The following ZBTB20 variants were observed in gnomAD, a reference collection of about 807,000 sequenced individuals.
ZBTB20 encodes the protein zinc finger and BTB domain-containing protein 20.
ZBTB20 carries 9 observed loss-of-function variants against 56.9 expected under a neutral mutation model. The ratio of observed to expected loss-of-function variants is 0.16; its 90% CI spans 0.10 to 0.28. ZBTB20 has a LOEUF of 0.28. Ranked by LOEUF, ZBTB20 falls within the 10% of genes least tolerant of loss-of-function variation. The probability of loss-of-function intolerance (pLI) is 1.00; values close to 1 mark genes in which losing one functional copy is unlikely to be tolerated. For missense variants in ZBTB20, 655 were observed against 1,003.0 expected (o/e 0.65, Z 4.69); for synonymous variants, 417 against 420.7 (o/e 0.99, Z 0.11).
intron 4 of ZBTB20, among the ~76,000 whole-genome samples, chr3:114,809,406 C>G (rs1005559447): frequency 6.6e-6 from 1 of 151,924 alleles, no homozygotes. Flanking sequence ...ATTAATTGAT[C>G]TTCAATCTCA....
At chr3:115,054,737 C>T (rs189496760) in intron 2 of ZBTB20, among the ~76,000 whole-genome samples, 6 of 152,146 alleles carry the variant, frequency 3.9e-5, no homozygotes. Context: ...AAATAAAAAA[C>T]TAGGAATGGC....
chr3:114,600,503 C>A (rs2056676877), intron 6 of ZBTB20, among the ~76,000 whole-genome samples: 1 of 151,914 alleles, frequency 6.6e-6, no homozygotes, highest in African/African-American at 2.4e-5. Flanking sequence ...AGGCCTTATC[C>A]CACACATTAT....
chr3:114,844,330 A>AACATATATATATATAT (rs2074543177), intron 4 of ZBTB20, among the ~76,000 whole-genome samples: 1 of 99,302 alleles, frequency 1.0e-5, no homozygotes, highest in African/African-American at 6.0e-5. Flanking sequence ...TACTGGAGTA[A>AACATATATATATATAT]ATATATATAT....
At chr3:115,073,211 C>T (rs1410393951) in intron 1 of ZBTB20, among the ~76,000 whole-genome samples, 1 of 152,174 alleles carries the variant, frequency 6.6e-6, no homozygotes, top group African/African-American at 2.4e-5. Context: ...AAAAGCATTG[C>T]TTCCTCAAAA....
intron 3 of ZBTB20, among the ~76,000 whole-genome samples, chr3:114,954,075 T>C (rs1218428334): frequency 2.0e-5 from 3 of 152,100 alleles, no homozygotes; most frequent in African/African-American, 4.8e-5. Context: ...TAGAAATGAA[T>C]TTCTGCTGAT....
intron 3 of ZBTB20, among the ~76,000 whole-genome samples, chr3:114,927,159 C>T (rs1416557944): frequency 6.6e-6 from 1 of 152,224 alleles, no homozygotes; most frequent in Non-Finnish European, 1.5e-5. Flanking sequence ...ATGCATATCT[C>T]ATTGCCTCTT....
At chr3:115,046,922 G>T (rs533676286) in intron 2 of ZBTB20, among the ~76,000 whole-genome samples, 1 of 152,094 alleles carries the variant, frequency 6.6e-6, no homozygotes, top group African/African-American at 2.4e-5. Flanking sequence ...CATATTCACA[G>T]AACAAATGCC....
intron 6 of ZBTB20, among the ~76,000 whole-genome samples, chr3:114,565,173 T>C (rs757307911): frequency 1.3e-5 from 2 of 152,194 alleles, no homozygotes; most frequent in Non-Finnish European, 2.9e-5. Flanking sequence ...TTAAAAACGA[T>C]GTTCATTCAC....
At chr3:115,015,015 T>C (rs2079886814) in intron 2 of ZBTB20, among the ~76,000 whole-genome samples, 1 of 151,826 alleles carries the variant, frequency 6.6e-6, no homozygotes. Context: ...TGTAGTTCTG[T>C]TATGAGGAAA....
At chr3:114,458,222 A>G (rs2092136288) in intron 7 of ZBTB20, among the ~76,000 whole-genome samples, 1 of 152,194 alleles carries the variant, frequency 6.6e-6, no homozygotes, top group Non-Finnish European at 1.5e-5. Flanking sequence ...TCGGATAATT[A>G]CATCGTGTCT....
intron 7 of ZBTB20, among the ~76,000 whole-genome samples, chr3:114,425,901 G>T (rs1008702831): frequency 6.6e-6 from 1 of 152,110 alleles, no homozygotes; most frequent in Admixed American, 6.5e-5. Flanking sequence ...TCTGCTAAAC[G>T]TTCACATTTT....
In ZBTB20 at chr3:114,314,844, G is replaced by T. The variant is rs1560039866; in HGVS notation, c.*24161C>A. 6.6e-6 allele frequency: 1 copy of T among 151,472 alleles called. No homozygotes were observed. The highest frequency in any genetic ancestry group is 1.9e-4 in the East Asian group (1 of 5,172). The allele number at this position is 151,472 out of a possible 1,614,324, so 9.4% of individuals were successfully genotyped here. ...ACAGTTAATTTTTCTTTTTTTGAAT[G>T]TTTTTTTTCCTGTTTAAATAACAAA... is the stretch of plus-strand genomic sequence containing the variant. On this transcript the variant is annotated 3_prime_UTR_variant, in exon 12 of 12. Transcript: ENST00000675478.
intron 7 of ZBTB20, among the ~76,000 whole-genome samples, chr3:114,435,383 G>A (rs985713840): frequency 2.0e-5 from 3 of 152,074 alleles, no homozygotes; most frequent in Non-Finnish European, 4.4e-5. Context: ...TACCAACTAC[G>A]AATGATTGAT....
chr3:114,472,442 G>A (rs1005182855), intron 7 of ZBTB20, among the ~76,000 whole-genome samples: 1 of 152,204 alleles, frequency 6.6e-6, no homozygotes, highest in African/African-American at 2.4e-5. Context: ...GCGCGCAGTG[G>A]CTCATGCCTT....
intron 7 of ZBTB20, among the ~76,000 whole-genome samples, chr3:114,411,170 TG>T (rs1374628684): frequency 6.6e-6 from 1 of 152,028 alleles, no homozygotes; most frequent in African/African-American, 2.4e-5. Flanking sequence ...ATACACAAAG[TG>T]GGGGTGCAGA....
intron 4 of ZBTB20, among the ~76,000 whole-genome samples, chr3:114,876,843 T>C (rs933319395): frequency 2.0e-5 from 3 of 152,172 alleles, no homozygotes; most frequent in Non-Finnish European, 4.4e-5. Context: ...ACCCATAGAT[T>C]GGAAATTCTC....
chr3:114,754,739 A>G lies in ZBTB20; in HGVS notation c.-343+46362T>C, dbSNP rs1443051532. ...CTTAATAAATGATAGCTTAAAAATT[A>G]AATAATATTTTTAAAATGGTGAGAT... On this transcript the variant is annotated intron_variant, in intron 5 of 11. Transcript: ENST00000675478. Among the ~76,000 whole-genome samples, 3 of 152,194 alleles carry G rather than the reference A, an allele frequency of 2.0e-5. No homozygotes were observed. In the East Asian group the frequency reaches 5.8e-4, roughly 29 times the overall value.
chr3:114,843,201 C>A (rs1001781302), intron 4 of ZBTB20, among the ~76,000 whole-genome samples: 2 of 152,132 alleles, frequency 1.3e-5, no homozygotes, highest in Middle Eastern at 3.2e-3. Context: ...TCAGGTAGTT[C>A]TTTATAGCAG....
At chr3:114,917,096 A>C (rs1016555333) in intron 3 of ZBTB20, among the ~76,000 whole-genome samples, 1 of 152,022 alleles carries the variant, frequency 6.6e-6, no homozygotes, top group Non-Finnish European at 1.5e-5. Context: ...ATATGTTTTC[A>C]AACAGTCCTT....
Sources: allele counts gnomAD v4.1 joint callset (sites outside exome capture counted in the v4.1 genomes callset), GRCh38; gene constraint gnomAD v4.1.1; transcripts MANE v1.5; gene names NCBI Gene and HGNC (gene_info 2026-07-23, HGNC 2026-07-21).